The following ZNF709 variants were observed in gnomAD, a reference collection of about 807,000 sequenced individuals.
The protein encoded by ZNF709 is zinc finger protein 709.
ZNF709 carries 15 observed loss-of-function variants against 10.6 expected under a neutral mutation model. The observed-to-expected ratio is 1.41, with a 90% CI of 0.95 to 2.18. The LOEUF (loss-of-function observed/expected upper bound fraction) is 2.18. Ranked by LOEUF, ZNF709 falls within the 30% of genes most tolerant of loss-of-function variation. The pLI, the probability that ZNF709 is intolerant of heterozygous loss-of-function variation, is 0.00. For synonymous variants in ZNF709, 194 were observed against 238.8 expected, an observed-to-expected ratio of 0.81 and a Z score of 1.73; for missense variants, 589 against 774.0, an observed-to-expected ratio of 0.76 and a Z score of 2.84.
In ZNF709 at chr19:12,463,186, T is replaced by C. The variant is rs1438060393; in HGVS notation, c.*810A>G. On this transcript the variant is annotated 3_prime_UTR_variant, in exon 4 of 4. Transcript: ENST00000397732. ...AGTATCACATGAGCATTTGTTAAAATGGAAAACATTGCTATATCTCACTTT... is the reference window on the plus strand; with the variant it reads ...AGTATCACATGAGCATTTGTTAAAACGGAAAACATTGCTATATCTCACTTT... The C allele has an allele frequency of 6.6e-6, 1 of 152,214 alleles. No homozygotes were observed. Among genetic ancestry groups the C allele is most frequent in the Non-Finnish European group, 1.5e-5 (1 of 68,030 alleles). 9.4% of individuals were successfully genotyped at this position (152,214 alleles called of 1,614,324 possible).
At chr19:12,476,593 C>A (rs1432348250) in intron 1 of ZNF709, among the ~76,000 whole-genome samples, 1 of 151,976 alleles carries the variant, frequency 6.6e-6, no homozygotes, top group South Asian at 2.1e-4. Context: ...GAGCCTTTTG[C>A]GGTAGGGGGA....
At chr19:12,482,061 G>A (rs1484940562) in intron 1 of ZNF709, among the ~76,000 whole-genome samples, 2 of 151,726 alleles carry the variant, frequency 1.3e-5, no homozygotes, top group African/African-American at 4.8e-5. Flanking sequence ...CACTTTGAGA[G>A]GCCAAGGTGG....
chr19:12,480,288 C>T (rs1970713273), intron 1 of ZNF709, among the ~76,000 whole-genome samples: 1 of 152,074 alleles, frequency 6.6e-6, no homozygotes, highest in African/African-American at 2.4e-5. Flanking sequence ...CTGGGAGGTG[C>T]TATTGGGAAG....
In ZNF709 at chr19:12,461,786, G is replaced by A. The variant is rs1970518112; in HGVS notation, c.*2210C>T. 6.6e-6 allele frequency: 1 copy of A among 152,012 alleles called. No homozygotes were observed. The highest frequency in any genetic ancestry group is 2.4e-5 in the African/African-American group (1 of 41,406). 9.4% of individuals were successfully genotyped at this position (152,012 alleles called of 1,614,324 possible). On this transcript the variant is annotated 3_prime_UTR_variant, in exon 4 of 4. Transcript: ENST00000397732. The stretch of plus-strand genomic sequence containing the variant: ...TACATCTTTGAAAATATGGCAGCTG[G>A]GGCCATGCACAGTGGCTCACGCCTG...
In ZNF709 at chr19:12,461,241, T is replaced by C. The variant is rs1327145044; in HGVS notation, c.*2755A>G. ...TGCAGAAAATTAAATAGACAAGTGA[T>C]AGCATACAAGTTATTTGAAAAGTTA... On this transcript the variant is annotated 3_prime_UTR_variant, in exon 4 of 4. Transcript: ENST00000397732. 3 of 152,214 alleles carry C rather than the reference T, an allele frequency of 2.0e-5. No homozygotes were observed. The highest frequency in any genetic ancestry group is 4.8e-5 in the African/African-American group (2 of 41,440). 9.4% of individuals were successfully genotyped at this position (152,214 alleles called of 1,614,324 possible).
chr19:12,480,156 T>TAA (rs74312590), intron 1 of ZNF709, among the ~76,000 whole-genome samples: 55 of 147,874 alleles, frequency 3.7e-4, no homozygotes, highest in Non-Finnish European at 6.1e-4. Context: ...CCCTGTTTTT[T>TAA]AAAAAAAAAA....
intron 1 of ZNF709, among the ~76,000 whole-genome samples, chr19:12,470,751 C>A (rs1476444728): frequency 1.3e-5 from 2 of 151,970 alleles, no homozygotes; most frequent in Non-Finnish European, 2.9e-5. Context: ...CACAGTGAAA[C>A]CCCGTCTGTA....
intron 1 of ZNF709, among the ~76,000 whole-genome samples, chr19:12,482,154 CAA>C (rs1555694484): frequency 0.071 from 8,385 of 118,268 alleles, 512 homozygotes; most frequent in Admixed American, 0.099. Flanking sequence ...CACACACACA[CAA>C]ACACACACAC....
chr19:12,467,905 C>T (rs1440948009), intron 1 of ZNF709, among the ~76,000 whole-genome samples: 2 of 151,736 alleles, frequency 1.3e-5, no homozygotes, highest in African/African-American at 4.8e-5. Flanking sequence ...CATCTCCGCC[C>T]GGCAGCCACC....
intron 1 of ZNF709, among the ~76,000 whole-genome samples, chr19:12,479,052 C>G (rs1057245229): frequency 6.6e-6 from 1 of 152,110 alleles, no homozygotes; most frequent in Non-Finnish European, 1.5e-5. Context: ...CCTATAACAC[C>G]AGTGCTTTGA....
rs374319425 is a variant in ZNF709, at chr19:12,464,099, C to T, written c.1823G>A (p.Arg608Gln). 9.6e-6 allele frequency: 15 copies of T among 1,562,058 alleles called. No individual in the cohort carries two copies. The highest frequency in any genetic ancestry group is 4.1e-5 in the African/African-American group (3 of 73,126). Residue 608 changes from arginine to glutamine, a missense_variant, in exon 4 of 4, where the codon CGA becomes CAA. Around this residue, in one of 2 missense-constraint regions of ZNF709, gnomAD observed 171 missense variants for 277.7 expected, o/e 0.62. Transcript: ENST00000397732. ...ATAGGGTTTCTCTCCAGTGTGAGTT[C>T]GTTCATGGATTCGAAAGGAACGTGA... Reference protein sequence around the residue: ...SCSRSFRIHERTHTGEKPYAC... With the variant: ...SCSRSFRIHEQTHTGEKPYAC...
rs1970544080 is a variant in ZNF709, at chr19:12,464,273, T to C, written c.1649A>G (p.His550Arg). The C allele has an allele frequency of 1.9e-6, 3 of 1,603,076 alleles. No homozygotes were observed. The highest frequency in any genetic ancestry group is 1.7e-4 in the Middle Eastern group (1 of 5,994). ...TTTCTCTCCAGTGTGAGTCCTTTCATGTATTCGAATGGAACTGGAACAACT... is the reference window on the plus strand; with the variant it reads ...TTTCTCTCCAGTGTGAGTCCTTTCACGTATTCGAATGGAACTGGAACAACT... ...AFSCSSSIRI[H>R]ERTHTGEKPY... Residue 550 changes from histidine to arginine, a missense_variant, in exon 4 of 4, where the codon CAT becomes CGT. Transcript: ENST00000397732.
intron 1 of ZNF709, among the ~76,000 whole-genome samples, chr19:12,476,608 C>T (rs530063781): frequency 1.3e-5 from 2 of 152,216 alleles, no homozygotes; most frequent in East Asian, 3.9e-4. Flanking sequence ...GGGGGACCCA[C>T]TTAAGGTGGG....
intron 1 of ZNF709, 116 bp from the exon 2 acceptor site, chr19:12,466,966 A>G: frequency 2.8e-6 from 4 of 1,406,588 alleles, no homozygotes; most frequent in Admixed American, 2.5e-5. Context: ...TAACTTTGTC[A>G]TCAGAACTCA....
At chr19:12,475,745 G>T (rs2145002194) in intron 1 of ZNF709, among the ~76,000 whole-genome samples, 1 of 152,310 alleles carries the variant, frequency 6.6e-6, no homozygotes, top group South Asian at 2.1e-4. Flanking sequence ...AAGAGATATA[G>T]ATTGGGAACA....
At chr19:12,479,811 A>G (rs944095205) in intron 1 of ZNF709, among the ~76,000 whole-genome samples, 14 of 152,120 alleles carry the variant, frequency 9.2e-5, no homozygotes, top group Non-Finnish European at 1.6e-4. Context: ...AGGAGACTGC[A>G]GTGAGCTGAG....
At chr19:12,476,811 A>C (rs1231026757) in intron 1 of ZNF709, among the ~76,000 whole-genome samples, 2 of 152,126 alleles carry the variant, frequency 1.3e-5, no homozygotes, top group Non-Finnish European at 2.9e-5. Context: ...CAAAACATAA[A>C]GGTCTCTTAT....
intron 1 of ZNF709, among the ~76,000 whole-genome samples, chr19:12,467,910 G>A (rs1970593324): frequency 6.6e-6 from 1 of 151,546 alleles, no homozygotes; most frequent in Admixed American, 6.6e-5. Flanking sequence ...CCGCCCGGCA[G>A]CCACCCCATC....
Position 12,484,794 on chromosome 19 carries a change from G to T in ZNF709, c.-137C>A. The T allele has an allele frequency of 8.3e-7, 1 of 1,211,738 alleles. No homozygotes were observed. Among genetic ancestry groups the T allele is most frequent in the South Asian group, 1.4e-5 (1 of 70,192 alleles). 75.1% of individuals were successfully genotyped at this position (1,211,738 alleles called of 1,614,324 possible). On this transcript the variant is annotated 5_prime_UTR_variant, in exon 1 of 4. Coordinates refer to ENST00000397732, the MANE Select transcript of ZNF709 (RefSeq NM_152601.4). Reference sequence around the variant, plus strand: ...ACCCCAGAGCGGAGCGCAGCGGCTGGTAGCCACGCCCTCGCCGTTTGCGCA... The same window carrying T: ...ACCCCAGAGCGGAGCGCAGCGGCTGTTAGCCACGCCCTCGCCGTTTGCGCA...
Sources: gnomAD v4.1 joint callset for allele counts (sites outside exome capture counted in the v4.1 genomes callset) on GRCh38, gnomAD v4.1.1 for gene constraint, gnomAD v4.1.1 regional missense constraint, MANE v1.5 for transcripts, NCBI Gene and HGNC (gene_info 2026-07-23, HGNC 2026-07-21) for gene names.